ZNF727: variants seen among roughly 807,000 people sequenced by gnomAD.
ZNF727 encodes putative zinc finger protein 727.
Under a neutral mutation model 11.5 loss-of-function variants are expected in ZNF727, and 11 were observed. That is an observed-to-expected ratio of 0.95 (90% confidence interval 0.60 to 1.58). The LOEUF is 1.58. Ranked by LOEUF, ZNF727 falls within the 40% of genes most tolerant of loss-of-function variation. ZNF727 has a pLI of 0.00. For synonymous variants in ZNF727, 171 were observed against 196.1 expected (o/e 0.87, Z 1.07); for missense variants, 533 against 581.7 (o/e 0.92, Z 0.86).
intron 1 of ZNF727, among the ~76,000 whole-genome samples, chr7:64,066,744 A>C (rs895578102): frequency 9.2e-5 from 14 of 152,230 alleles, no homozygotes; most frequent in African/African-American, 2.9e-4. Flanking sequence ...AGTCGTGGGC[A>C]AAGACTTCAT....
intron 1 of ZNF727, among the ~76,000 whole-genome samples, chr7:64,059,639 C>G (rs1282030966): frequency 6.6e-6 from 1 of 152,176 alleles, no homozygotes; most frequent in Non-Finnish European, 1.5e-5. Context: ...TTCATGAGAA[C>G]AAATTGTACC....
intron 1 of ZNF727, among the ~76,000 whole-genome samples, chr7:64,063,815 T>C (rs1296949278): frequency 6.6e-6 from 1 of 152,118 alleles, no homozygotes; most frequent in Non-Finnish European, 1.5e-5. Context: ...TATTCTGCTG[T>C]GGCTTAGCTG....
chr7:64,068,877 G>A lies in ZNF727; in HGVS notation c.4-14G>A. The A allele has an allele frequency of 6.4e-7, 1 of 1,574,596 alleles. No individual in the cohort carries two copies. The highest frequency in any genetic ancestry group is 8.6e-7 in the Non-Finnish European group (1 of 1,159,314). ...ATTTCTTTGGTCACTTGGTAAATATGTTTTGTTTTTCAGCGAGTGCTAACA... is the reference window on the plus strand; with the variant it reads ...ATTTCTTTGGTCACTTGGTAAATATATTTTGTTTTTCAGCGAGTGCTAACA... On this transcript the variant is annotated splice_polypyrimidine_tract_variant and intron_variant, in intron 1 of 3. Transcript: ENST00000456806.
intron 1 of ZNF727, among the ~76,000 whole-genome samples, chr7:64,062,491 A>G (rs1205966008): frequency 1.3e-5 from 2 of 151,638 alleles, no homozygotes; most frequent in Non-Finnish European, 1.5e-5. Context: ...TCATGTCACC[A>G]TCTCCTTGAC....
rs1785681784 is a variant in ZNF727, at chr7:64,077,336, A to C, written c.287A>C (p.Gln96Pro). ...LLEHDINDSF[Q>P]KVILRKSGSC... Reference sequence around the variant, plus strand: ...GAGCACGACATAAACGATTCATTTCAAAAAGTGATCCTGAGAAAATCTGGA... The same window carrying C: ...GAGCACGACATAAACGATTCATTTCCAAAAGTGATCCTGAGAAAATCTGGA... The change falls in exon 4 of 4, where the codon CAA becomes CCA. Residue 96 changes from glutamine (Q) to proline (P), a missense_variant. Transcript: ENST00000456806. The C allele has an allele frequency of 1.9e-6, 3 of 1,551,048 alleles. No homozygotes were observed. In the African/African-American group the frequency reaches 4.1e-5, roughly 21 times the overall value.
chr7:64,059,109 T>C (rs1276290589), intron 1 of ZNF727, among the ~76,000 whole-genome samples: 3 of 152,102 alleles, frequency 2.0e-5, no homozygotes, highest in Admixed American at 1.3e-4. Context: ...CACACCCTGC[T>C]AATTTTTGTA....
intron 1 of ZNF727, among the ~76,000 whole-genome samples, chr7:64,047,960 A>G (rs1241777981): frequency 6.6e-6 from 1 of 152,216 alleles, no homozygotes; most frequent in Non-Finnish European, 1.5e-5. Flanking sequence ...CATCTGCCAC[A>G]CAGGGGGCAA....
chr7:64,046,176 T>G (rs2116257161), intron 1 of ZNF727, among the ~76,000 whole-genome samples: 1 of 152,166 alleles, frequency 6.6e-6, no homozygotes, highest in East Asian at 1.9e-4. Context: ...CGCCGCCACC[T>G]CGCCTGGTTT....
chr7:64,045,450 C>A lies in ZNF727; in HGVS notation c.-172C>A. The A allele has an allele frequency of 1.1e-6, 1 of 921,202 alleles. No individual in the cohort carries two copies. Among genetic ancestry groups the A allele is most frequent in the Non-Finnish European group, 1.7e-6 (1 of 577,660 alleles). 57.1% of individuals were successfully genotyped at this position (921,202 alleles called of 1,614,324 possible). On this transcript the variant is annotated 5_prime_UTR_variant, in exon 1 of 4. Transcript: ENST00000456806. ...GGAAGAGGCGGGCTCTTCAATATGG[C>A]AAGGCCTTCGTCTCCTAGCTTCTAG...
intron 1 of ZNF727, among the ~76,000 whole-genome samples, chr7:64,064,952 C>T (rs1313927991): frequency 6.6e-6 from 1 of 152,160 alleles, no homozygotes; most frequent in Non-Finnish European, 1.5e-5. Flanking sequence ...TGGCAATTAA[C>T]AGCTTTGTTA....
rs1374669567 is a variant in ZNF727, at chr7:64,077,276, C to G, written c.227C>G (p.Ala76Gly). The G allele has an allele frequency of 4.7e-6, 7 of 1,480,572 alleles. No individual in the cohort carries two copies. The Admixed American group carries it at 1.6e-4, about 34-fold the overall frequency. 91.7% of individuals were successfully genotyped at this position (1,480,572 alleles called of 1,614,324 possible). The change falls in exon 4 of 4, where the codon GCT (alanine) becomes GGT (glycine). Residue 76 changes from alanine (A) to glycine (G), a missense_variant and splice_region_variant. Around this residue, in one of 3 missense-constraint regions of ZNF727, gnomAD observed 463 missense variants for 494.5 expected, o/e 0.94. Transcript: ENST00000456806. ...RRQKTVAKHP[A>G]GSLHFTAEIL... Reference sequence around the variant, plus strand: ...TTTGTGGTTCTTTTTTTTTTTTCAGCTGGCTCTTTGCATTTTACTGCAGAG... The same window carrying G: ...TTTGTGGTTCTTTTTTTTTTTTCAGGTGGCTCTTTGCATTTTACTGCAGAG...
intron 3 of ZNF727, among the ~76,000 whole-genome samples, chr7:64,074,202 C>T (rs371398905): frequency 2.6e-5 from 4 of 152,040 alleles, no homozygotes; most frequent in African/African-American, 7.2e-5. Flanking sequence ...TGTCCAAAGG[C>T]GAAGGAGAAA....
intron 3 of ZNF727, among the ~76,000 whole-genome samples, chr7:64,075,961 G>A (rs1317356602): frequency 1.3e-5 from 2 of 152,088 alleles, no homozygotes; most frequent in Non-Finnish European, 2.9e-5. Context: ...TGGCTATCTA[G>A]AATAATTATT....
chr7:64,073,478 T>C (rs746926083), intron 3 of ZNF727, among the ~76,000 whole-genome samples: 10 of 152,060 alleles, frequency 6.6e-5, no homozygotes, highest in Non-Finnish European at 8.8e-5. Flanking sequence ...TTTTGAGTTA[T>C]TGAGCATACT....
chr7:64,065,042 GCTT>G (rs1169757832), intron 1 of ZNF727, among the ~76,000 whole-genome samples: 1 of 152,126 alleles, frequency 6.6e-6, no homozygotes, highest in African/African-American at 2.4e-5. Context: ...TTAGGAAGAT[GCTT>G]CTTATTTGGA....
At chr7:64,068,271 T>A (rs1232579150) in intron 1 of ZNF727, among the ~76,000 whole-genome samples, 1 of 152,176 alleles carries the variant, frequency 6.6e-6, no homozygotes, top group Non-Finnish European at 1.5e-5. Flanking sequence ...ACATTTAATC[T>A]GACAGCTCTT....
At chr7:64,059,295 A>G (rs1789734812) in intron 1 of ZNF727, among the ~76,000 whole-genome samples, 1 of 152,228 alleles carries the variant, frequency 6.6e-6, no homozygotes, top group Non-Finnish European at 1.5e-5. Flanking sequence ...TAGGTTGAAA[A>G]GGAAAGAAAA....
chr7:64,045,751 T>A, intron 1 of ZNF727, 127 bp downstream of exon 1: 3 of 1,234,864 alleles, frequency 2.4e-6, no homozygotes, highest in Non-Finnish European at 3.4e-6. Context: ...GTGGGCACAG[T>A]TCAGTCCTCA....
chr7:64,060,663 A>G (rs1057024478), intron 1 of ZNF727, among the ~76,000 whole-genome samples: 1 of 152,126 alleles, frequency 6.6e-6, no homozygotes. Context: ...CTAACTTTTC[A>G]TTACGTTTAT....
Sources: gnomAD v4.1 joint callset for allele counts (sites outside exome capture counted in the v4.1 genomes callset) on GRCh38, gnomAD v4.1.1 for gene constraint, gnomAD v4.1.1 regional missense constraint, MANE v1.5 for transcripts, NCBI Gene and HGNC (gene_info 2026-07-23, HGNC 2026-07-21) for gene names.